Variants in POT1 observed in about 807,000 individuals in gnomAD.
POT1 encodes the protein protection of telomeres protein 1.
Under a neutral mutation model 78.5 loss-of-function variants are expected in POT1, and 47 were observed. The ratio of observed to expected loss-of-function variants is 0.60; its 90% CI spans 0.47 to 0.76. The LOEUF is 0.76. POT1 is among the 30% of genes least tolerant of loss of function. The pLI is 0.00. For synonymous variants in POT1, 259 were observed against 260.7 expected, an observed-to-expected ratio of 0.99 and a Z score of 0.06; for missense variants, 646 against 749.9, an observed-to-expected ratio of 0.86 and a Z score of 1.62.
At chr7:124,843,606 T>A (rs752717535) in intron 12 of POT1, among the ~76,000 whole-genome samples, 1 of 152,034 alleles carries the variant, frequency 6.6e-6, no homozygotes, top group African/African-American at 2.4e-5. Flanking sequence ...GCCTGGGAAA[T>A]AGGTACAATA....
At chr7:124,837,789 C>T (rs1426181437) in intron 14 of POT1, among the ~76,000 whole-genome samples, 2 of 151,820 alleles carry the variant, frequency 1.3e-5, no homozygotes, top group African/African-American at 2.4e-5. Flanking sequence ...CTTAAGAAAA[C>T]ACATAAAAAA....
In POT1 at chr7:124,845,559, A is replaced by AT. The variant is rs1416701089; in HGVS notation, c.1006+1382_1006+1383insA. Among the ~76,000 whole-genome samples the AT allele has an allele frequency of 2.6e-5, 4 of 152,158 alleles. No individual in the cohort carries two copies. The East Asian group carries it at 7.7e-4, about 29-fold the overall frequency. On this transcript the variant is annotated intron_variant, in intron 12 of 18. Coordinates refer to ENST00000357628, the MANE Select transcript of POT1 (RefSeq NM_015450.3). ...CAGCTGGTAAAGGTAGTGTCCAATC[A>AT]CTTCTCTACTAAAAACTTACTGTTT...
At chr7:124,896,064 C>G (rs1196394958) in intron 5 of POT1, among the ~76,000 whole-genome samples, 1 of 151,628 alleles carries the variant, frequency 6.6e-6, no homozygotes. Flanking sequence ...ACTTTTAATA[C>G]TATATTCTCA....
At chr7:124,876,656 A>AC (rs941217058) in intron 6 of POT1, among the ~76,000 whole-genome samples, 1 of 152,230 alleles carries the variant, frequency 6.6e-6, no homozygotes, top group Non-Finnish European at 1.5e-5. Flanking sequence ...ACTGAAGTAT[A>AC]CAGACTGTTT....
intron 15 of POT1, among the ~76,000 whole-genome samples, chr7:124,830,777 G>C (rs990574764): frequency 6.6e-6 from 1 of 151,874 alleles, no homozygotes; most frequent in Non-Finnish European, 1.5e-5. Flanking sequence ...AAAGGGATGA[G>C]AGTAACCTAT....
rs546720368 is a variant in POT1 at position 124,868,835 on chromosome 7, T to C, written c.255+2076A>G. On this transcript the variant is annotated intron_variant, in intron 7 of 18. Transcript: ENST00000357628. ...TCAATGATAATTCAATTTTTTTGAA[T>C]TTTCATATTGATTTCCTCTCTGACT... Among the ~76,000 whole-genome samples the C allele has an allele frequency of 9.9e-5, 15 of 151,312 alleles. No homozygotes were observed. The East Asian group carries it at 2.3e-3, about 23-fold the overall frequency.
intron 11 of POT1, among the ~76,000 whole-genome samples, chr7:124,851,063 CAGG>C (rs1795295271): frequency 6.6e-6 from 1 of 151,858 alleles, no homozygotes; most frequent in African/African-American, 2.4e-5. Context: ...ACCGGGAGAC[CAGG>C]AGGTCGAGAC....
chr7:124,885,186 T>C (rs1351955523), intron 6 of POT1, among the ~76,000 whole-genome samples: 1 of 149,648 alleles, frequency 6.7e-6, no homozygotes, highest in African/African-American at 2.5e-5. Flanking sequence ...CTTGGTATGG[T>C]GGTTCACACC....
intron 18 of POT1, among the ~76,000 whole-genome samples, 157 bp downstream of exon 18, chr7:124,825,095 C>T (rs1794597378): frequency 6.6e-6 from 1 of 152,142 alleles, no homozygotes; most frequent in African/African-American, 2.4e-5. Context: ...ATCCCTGCCA[C>T]TCTCTTCATC....
chr7:124,916,738 T>C (rs1034614556), intron 2 of POT1, among the ~76,000 whole-genome samples: 1 of 152,158 alleles, frequency 6.6e-6, no homozygotes, highest in Non-Finnish European at 1.5e-5. Flanking sequence ...TCTAACACTT[T>C]AATGAATTGC....
At chr7:124,857,690 T>C (rs1795480351) in intron 9 of POT1, among the ~76,000 whole-genome samples, 1 of 152,116 alleles carries the variant, frequency 6.6e-6, no homozygotes, top group Non-Finnish European at 1.5e-5. Flanking sequence ...CTCCATCCTC[T>C]TTTCACTTCC....
At chr7:124,853,863 T>G (rs767775449) in intron 9 of POT1, among the ~76,000 whole-genome samples, 1 of 152,056 alleles carries the variant, frequency 6.6e-6, no homozygotes, top group Non-Finnish European at 1.5e-5. Flanking sequence ...ATGAGAGAGA[T>G]GCAGAATGCT....
At chr7:124,922,339 A>G (rs1343268877) in intron 2 of POT1, among the ~76,000 whole-genome samples, 1 of 152,116 alleles carries the variant, frequency 6.6e-6, no homozygotes, top group East Asian at 1.9e-4. Flanking sequence ...GTCAGTAAAT[A>G]TAAAGACTAT....
chr7:124,903,615 C>A (rs1796680321), intron 3 of POT1, among the ~76,000 whole-genome samples: 1 of 152,132 alleles, frequency 6.6e-6, no homozygotes, highest in Admixed American at 6.5e-5. Flanking sequence ...ATTAAAAGAA[C>A]TGGAGAAGCA....
intron 9 of POT1, among the ~76,000 whole-genome samples, chr7:124,854,387 G>A (rs968137660): frequency 5.9e-5 from 9 of 151,716 alleles, no homozygotes; most frequent in African/African-American, 9.7e-5. Context: ...TCTGCATTTA[G>A]GAGAATTCTG....
intron 2 of POT1, among the ~76,000 whole-genome samples, chr7:124,919,650 A>G (rs1460320484): frequency 6.6e-6 from 1 of 152,180 alleles, no homozygotes; most frequent in African/African-American, 2.4e-5. Flanking sequence ...AGACACAGCG[A>G]GAAGGTGAGC....
At chr7:124,855,708 A>G (rs1795431769) in intron 9 of POT1, among the ~76,000 whole-genome samples, 1 of 151,940 alleles carries the variant, frequency 6.6e-6, no homozygotes, top group African/African-American at 2.4e-5. Flanking sequence ...AAATATGGCT[A>G]GTAAGAAATG....
chr7:124,879,990 C>A (rs1464361106), intron 6 of POT1, among the ~76,000 whole-genome samples: 4 of 152,032 alleles, frequency 2.6e-5, no homozygotes, highest in African/African-American at 9.7e-5. Context: ...ACTATACTGG[C>A]TATTAACTTT....
rs1794874632 is a variant in POT1, at chr7:124,835,380, G to C, written c.1404C>G (p.Asn468Lys). 6.2e-7 allele frequency: 1 copy of C among 1,613,638 alleles called. No homozygotes were observed. Among genetic ancestry groups the C allele is most frequent in the Non-Finnish European group, 8.5e-7 (1 of 1,179,592 alleles). ...TCACAGGAATTACACTATTAAACTTGTTCGAGAGTTTGCAAATTTCACTGA... is the reference window on the plus strand; with the variant it reads ...TCACAGGAATTACACTATTAAACTTCTTCGAGAGTTTGCAAATTTCACTGA... Reference protein sequence around the residue: ...GTLSEICKLSNKFNSVIPVRS... With the variant: ...GTLSEICKLSKKFNSVIPVRS... Residue 468 changes from asparagine to lysine, a missense_variant, in exon 15 of 19, where the codon AAC (asparagine) becomes AAG (lysine). By Grantham distance (94) the Asn-to-Lys change is moderately conservative. Around this residue, in one of 2 missense-constraint regions of POT1, gnomAD observed 394 missense variants for 408.4 expected, o/e 0.96. Transcript: ENST00000357628.
Sources: gnomAD v4.1 joint callset for allele counts (sites outside exome capture counted in the v4.1 genomes callset) on GRCh38, gnomAD v4.1.1 for gene constraint, gnomAD v4.1.1 regional missense constraint, MANE v1.5 for transcripts, NCBI Gene and HGNC (gene_info 2026-07-23, HGNC 2026-07-21) for gene names.